The following PLXNC1 variants were observed in gnomAD, a reference collection of about 807,000 sequenced individuals.
PLXNC1 encodes plexin C1.
In PLXNC1, 75 loss-of-function variants were observed where a neutral mutation model predicts 178.2. The ratio of observed to expected loss-of-function variants is 0.42; its 90% CI spans 0.35 to 0.51. PLXNC1 has a LOEUF of 0.51. Among genes scored for constraint, PLXNC1 ranks in the 20% least tolerant of loss-of-function variants. The pLI is 0.02. For missense variants in PLXNC1, 1,503 were observed against 1,984.4 expected (o/e 0.76, Z 4.61); for synonymous variants, 790 against 779.9 (o/e 1.01, Z -0.22).
rs761071045 is a variant in PLXNC1 at position 94,149,821 on chromosome 12, G to T, written c.850G>T (p.Gly284Cys). 1 of 1,599,240 alleles carries T rather than the reference G, an allele frequency of 6.3e-7. No individual in the cohort carries two copies. The highest frequency in any genetic ancestry group is 1.1e-5 in the South Asian group (1 of 89,542). The change falls in exon 1 of 31, where the codon GGC (glycine) becomes TGC (cysteine). Residue 284 changes from glycine to cysteine, a missense_variant. Coordinates refer to ENST00000258526, the MANE Select transcript of PLXNC1 (RefSeq NM_005761.3). ...CCAGGGCCAGGCATCCCTCGACTGC[G>T]GCCACGGCCACCCCGACGGCCGCCG... Reference protein sequence around the residue: ...LFQGQASLDCGHGHPDGRRLL... With the variant: ...LFQGQASLDCCHGHPDGRRLL...
intron 9 of PLXNC1, among the ~76,000 whole-genome samples, chr12:94,227,978 A>G (rs947301296): frequency 6.6e-6 from 1 of 152,258 alleles, no homozygotes; most frequent in African/African-American, 2.4e-5. Flanking sequence ...GGAGTCTAGC[A>G]GAAATAGACA....
chr12:94,167,581 G>T (rs955949572), intron 1 of PLXNC1, among the ~76,000 whole-genome samples: 1 of 151,992 alleles, frequency 6.6e-6, no homozygotes, highest in Non-Finnish European at 1.5e-5. Context: ...AATCCTAAAG[G>T]TCATCCGACT....
At chr12:94,270,323 T>C (rs895937255) in intron 21 of PLXNC1, among the ~76,000 whole-genome samples, 1 of 152,246 alleles carries the variant, frequency 6.6e-6, no homozygotes, top group Non-Finnish European at 1.5e-5. Context: ...TATAGCTGCT[T>C]TCCTGCTACA....
At chr12:94,216,103 T>C (rs1051992562) in intron 5 of PLXNC1, among the ~76,000 whole-genome samples, 3 of 151,962 alleles carry the variant, frequency 2.0e-5, no homozygotes, top group African/African-American at 7.2e-5. Context: ...CTGTCTCTAC[T>C]ACAAATACAA....
At chr12:94,191,925 A>G (rs1962741859) in intron 4 of PLXNC1, among the ~76,000 whole-genome samples, 1 of 152,154 alleles carries the variant, frequency 6.6e-6, no homozygotes, top group Non-Finnish European at 1.5e-5. Flanking sequence ...TTGCAGGCTG[A>G]ATATCTTGGG....
At chr12:94,211,133 T>A (rs767600124) in intron 5 of PLXNC1, among the ~76,000 whole-genome samples, 5 of 152,222 alleles carry the variant, frequency 3.3e-5, no homozygotes, top group Non-Finnish European at 7.3e-5. Flanking sequence ...TATTACAAAT[T>A]AATCACTGTT....
intron 9 of PLXNC1, among the ~76,000 whole-genome samples, chr12:94,230,160 T>C (rs896533737): frequency 6.6e-6 from 1 of 152,198 alleles, no homozygotes; most frequent in African/African-American, 2.4e-5. Context: ...TTCTATAATT[T>C]TATCATTTCA....
intron 21 of PLXNC1, among the ~76,000 whole-genome samples, chr12:94,269,321 C>T (rs1965436235): frequency 6.6e-6 from 1 of 152,274 alleles, no homozygotes; most frequent in East Asian, 1.9e-4. Context: ...CTTGAAAAAG[C>T]ACAAGTACAT....
rs374624419 is a variant in PLXNC1 at position 94,224,260 on chromosome 12, G to A, written c.1735G>A (p.Gly579Ser). ...AGTTGTCAACGTGATGTTCTCCTTC[G>A]GTTCTTGGAATTTATCAGACAGATT... is the stretch of plus-strand genomic sequence containing the variant. The part of the protein sequence containing the change: ...VSVVNVMFSF[G>S]SWNLSDRFNF... Residue 579 changes from glycine (G) to serine (S), a missense_variant, in exon 7 of 31, where the codon GGT becomes AGT. By Grantham distance (56) the Gly-to-Ser change is moderately conservative. Transcript: ENST00000258526. 22 of 1,605,544 alleles carry A rather than the reference G, an allele frequency of 1.4e-5. No individual in the cohort carries two copies. Among genetic ancestry groups the A allele is most frequent in the South Asian group, 6.6e-5 (6 of 90,868 alleles).
chr12:94,210,431 C>T (rs574341406), intron 5 of PLXNC1, among the ~76,000 whole-genome samples: 2 of 152,340 alleles, frequency 1.3e-5, no homozygotes, highest in South Asian at 2.1e-4. Context: ...TCCCTAATGA[C>T]GGCTCTTGTG....
At chr12:94,298,860 G>A in intron 27 of PLXNC1, 65 bp downstream of exon 27, 25 of 1,372,738 alleles carry the variant, frequency 1.8e-5, no homozygotes, top group Non-Finnish European at 2.5e-5. Context: ...CTAAAAGAAA[G>A]ACATAGATAG....
chr12:94,239,777 C>A (rs1964333646), intron 10 of PLXNC1, among the ~76,000 whole-genome samples: 1 of 152,198 alleles, frequency 6.6e-6, no homozygotes, highest in Non-Finnish European at 1.5e-5. Flanking sequence ...CCTGGATACT[C>A]CTTAGGGAGC....
chr12:94,239,981 T>C (rs1175162508), intron 10 of PLXNC1, among the ~76,000 whole-genome samples: 1 of 152,240 alleles, frequency 6.6e-6, no homozygotes, highest in Non-Finnish European at 1.5e-5. Context: ...TGAACCTCTC[T>C]GTAGCCATTC....
intron 9 of PLXNC1, among the ~76,000 whole-genome samples, chr12:94,228,155 C>G (rs899309656): frequency 6.6e-6 from 1 of 152,202 alleles, no homozygotes; most frequent in African/African-American, 2.4e-5. Context: ...GGTGAATTAA[C>G]AACCAGGCAG....
Position 94,181,381 on chromosome 12 carries a change from C to G in PLXNC1, c.1204-65C>G, listed in dbSNP as rs3794220. 1.1e-3 allele frequency: 1,161 copies of G among 1,026,410 alleles called. 20 individuals carry two copies. The Admixed American group carries it at 0.025, about 22-fold the overall frequency. The allele number at this position is 1,026,410 out of a possible 1,614,324, so 63.6% of individuals were successfully genotyped here. A position where few individuals can be genotyped will look rare whatever the true frequency, so the allele number is the denominator to read the frequency against. On this transcript the variant is annotated intron_variant, in intron 2 of 30. Transcript: ENST00000258526. ...CCAGCCTGGCGACAGAGCGAGATTC[C>G]GTCTCAAAAAAAAAAAAAAGTATTA...
At position 94,149,119 on chromosome 12, in the gene PLXNC1, G is replaced by T; in HGVS notation, c.148G>T (p.Ala50Ser). Residue 50 changes from alanine to serine, a missense_variant, in exon 1 of 31, where the codon GCG becomes TCG. Physicochemically the swap from Ala to Ser is moderately conservative, Grantham distance 99. Transcript: ENST00000258526. ...WRSEQAIGAI[A>S]ASQEDGVFVA... ...GTCGGAGCAAGCCATCGGAGCCATC[G>T]CGGCGAGCCAGGAGGACGGCGTGTT... is the stretch of plus-strand genomic sequence containing the variant. 1 of 1,587,462 alleles carries T rather than the reference G, an allele frequency of 6.3e-7. No individual in the cohort carries two copies.
intron 30 of PLXNC1, chr12:94,304,317 A>G: frequency 2.9e-6 from 1 of 339,554 alleles, no homozygotes; most frequent in Admixed American, 4.4e-5. Flanking sequence ...ACTCAAGTTA[A>G]CTTTGATGAG....
chr12:94,173,049 C>T (rs1473155929), intron 2 of PLXNC1, among the ~76,000 whole-genome samples: 1 of 152,144 alleles, frequency 6.6e-6, no homozygotes, highest in African/African-American at 2.4e-5. Context: ...TATGTCTAGT[C>T]ACCCCCGCAG....
At chr12:94,227,890 C>T (rs1963991057) in intron 9 of PLXNC1, among the ~76,000 whole-genome samples, 1 of 152,218 alleles carries the variant, frequency 6.6e-6, no homozygotes, top group Non-Finnish European at 1.5e-5. Flanking sequence ...TACAACTTCA[C>T]TCAGTCAACA....
Sources: allele counts gnomAD v4.1 joint callset (sites outside exome capture counted in the v4.1 genomes callset), GRCh38; gene constraint gnomAD v4.1.1; transcripts MANE v1.5; gene names NCBI Gene and HGNC (gene_info 2026-07-23, HGNC 2026-07-21).